The following NTN1 variants were observed in gnomAD, a reference collection of about 807,000 sequenced individuals.
NTN1 encodes netrin-1.
A neutral mutation model predicts 54.2 loss-of-function variants in NTN1; 11 were observed. That is an observed-to-expected ratio of 0.20 (90% CI 0.13 to 0.34). The LOEUF is 0.34. Among genes scored for constraint, NTN1 ranks in the 10% least tolerant of loss-of-function variants. The pLI is 1.00. For synonymous variants in NTN1, 371 were observed against 382.0 expected (o/e 0.97, Z 0.33); for missense variants, 740 against 893.1 (o/e 0.83, Z 2.18).
At chr17:9,014,916 T>G in the NTN1 span, among the ~76,000 whole-genome samples, 1 of 152,210 alleles carries the variant, frequency 6.6e-6, no homozygotes, top group Non-Finnish European at 1.5e-5. Flanking sequence ...ATTATTTTAG[T>G]TCACACACTG....
the NTN1 span, among the ~76,000 whole-genome samples, chr17:9,009,490 C>G: frequency 6.6e-6 from 1 of 152,204 alleles, no homozygotes; most frequent in African/African-American, 2.4e-5. Context: ...TCCTTCCCCA[C>G]CAAATCTTAG....
chr17:9,179,858 C>T lies in NTN1; in HGVS notation c.1259C>T (p.Thr420Ile). 6.2e-7 allele frequency: 1 copy of T among 1,614,114 alleles called. No individual in the cohort carries two copies. Among genetic ancestry groups the T allele is most frequent in the East Asian group, 2.2e-5 (1 of 44,884 alleles). ...GAAGKTCNQT[T>I]GQCPCKDGVT... ...GCTGGCAAAACCTGCAACCAAACCA[C>T]CGGCCAGTGTCCCTGCAAGGACGGC... The change falls in exon 4 of 7, where the codon ACC becomes ATC. Residue 420 changes from threonine to isoleucine, a missense_variant. Physicochemically the swap from Thr to Ile is moderately conservative, Grantham distance 89. Coordinates refer to ENST00000173229, the MANE Select transcript of NTN1 (RefSeq NM_004822.3).
intron 2 of NTN1, among the ~76,000 whole-genome samples, chr17:9,075,230 C>T (rs904993080): frequency 6.6e-6 from 1 of 152,172 alleles, no homozygotes; most frequent in Non-Finnish European, 1.5e-5. Context: ...CCTGTAATCC[C>T]AGCACTTTGG....
At position 9,221,076 on chromosome 17, in the gene NTN1, A is replaced by C; in HGVS notation, c.1412-92A>C. Reference sequence around the variant, plus strand: ...CCATGGGTATCACAGGCCTCTGGCTATTTAGGGAGGCGGCCTCCTACTCTG... The same window carrying C: ...CCATGGGTATCACAGGCCTCTGGCTCTTTAGGGAGGCGGCCTCCTACTCTG... On this transcript the variant is annotated intron_variant, in intron 5 of 6. Transcript: ENST00000173229. The surrounding 1 kb of genome is among the most constrained non-coding windows in gnomAD (Gnocchi z 4.5). The C allele has an allele frequency of 2.2e-6, 2 of 925,384 alleles. No individual in the cohort carries two copies. Among genetic ancestry groups the C allele is most frequent in the Non-Finnish European group, 3.6e-6 (2 of 556,456 alleles). The allele number at this position is 925,384 out of a possible 1,614,324, so 57.3% of individuals were successfully genotyped here. A position where few individuals can be genotyped will look rare whatever the true frequency, so the allele number is the denominator to read the frequency against.
chr17:9,148,764 C>T (rs368586072), intron 2 of NTN1, among the ~76,000 whole-genome samples: 43 of 151,976 alleles, frequency 2.8e-4, no homozygotes, highest in Admixed American at 1.0e-3. Flanking sequence ...TCCCTGTCCA[C>T]GAGCAGGAAT....
At chr17:9,042,369 C>T (rs1162208538) in intron 2 of NTN1, among the ~76,000 whole-genome samples, 1 of 151,712 alleles carries the variant, frequency 6.6e-6, no homozygotes, top group Non-Finnish European at 1.5e-5. Flanking sequence ...TCTCTAGTCT[C>T]AGTTCTCGAG....
intron 2 of NTN1, among the ~76,000 whole-genome samples, chr17:9,060,627 A>C (rs1174572077): frequency 6.6e-6 from 1 of 152,140 alleles, no homozygotes; most frequent in Non-Finnish European, 1.5e-5. Flanking sequence ...AGCAAACAGC[A>C]CGGGGACTCA....
intron 2 of NTN1, among the ~76,000 whole-genome samples, chr17:9,036,092 C>T (rs574726717): frequency 1.3e-5 from 2 of 152,238 alleles, no homozygotes; most frequent in South Asian, 4.1e-4. Flanking sequence ...AATTCTTGGG[C>T]TCAAGGGATC....
chr17:9,153,622 G>A lies in NTN1; in HGVS notation c.1019-9191G>A, dbSNP rs112091688. ...CTCAAGAGAAGGAAGAGGGGGCCAC[G>A]GTCTGTTGAGAGAGCAGAATGCAGC... On this transcript the variant is annotated intron_variant, in intron 2 of 6. Transcript: ENST00000173229. 8.1e-3 allele frequency among the ~76,000 whole-genome samples: 1,240 copies of A among 152,288 alleles called. 20 individuals are homozygous for A. The highest frequency in any genetic ancestry group is 0.028 in the African/African-American group (1,169 of 41,560).
At chr17:9,113,558 C>T (rs932657585) in intron 2 of NTN1, among the ~76,000 whole-genome samples, 2 of 151,980 alleles carry the variant, frequency 1.3e-5, no homozygotes, top group Non-Finnish European at 2.9e-5. Flanking sequence ...CAGCAAGCTC[C>T]GGGAGAACAT....
intron 2 of NTN1, among the ~76,000 whole-genome samples, chr17:9,125,125 A>C (rs990381117): frequency 2.6e-5 from 4 of 152,090 alleles, no homozygotes; most frequent in Non-Finnish European, 4.4e-5. Flanking sequence ...GCAGTGGCAC[A>C]ATCATGGCTC....
At chr17:9,183,435 C>G (rs1455438471) in intron 5 of NTN1, 5 of 408,008 alleles carry the variant, frequency 1.2e-5, no homozygotes, top group Non-Finnish European at 2.5e-5. Flanking sequence ...TCGCCTCTAA[C>G]TAAAAATTTA....
At chr17:9,091,749 G>A (rs980921283) in intron 2 of NTN1, among the ~76,000 whole-genome samples, 3 of 151,802 alleles carry the variant, frequency 2.0e-5, no homozygotes, top group African/African-American at 7.3e-5. Context: ...CACCGTGTCC[G>A]GCCCGTTTAG....
At chr17:9,076,768 T>C (rs997649246) in intron 2 of NTN1, among the ~76,000 whole-genome samples, 1 of 152,242 alleles carries the variant, frequency 6.6e-6, no homozygotes, top group East Asian at 1.9e-4. Context: ...CCACACACTT[T>C]GCATAATTAT....
intron 2 of NTN1, among the ~76,000 whole-genome samples, chr17:9,159,278 A>T (rs1050869493): frequency 5.3e-5 from 8 of 152,236 alleles, no homozygotes; most frequent in Non-Finnish European, 1.0e-4. Flanking sequence ...TACATGGGGA[A>T]ATGCCCAACC....
At chr17:9,216,524 C>T (rs557176719) in intron 5 of NTN1, among the ~76,000 whole-genome samples, 2 of 152,170 alleles carry the variant, frequency 1.3e-5, no homozygotes, top group African/African-American at 2.4e-5. Flanking sequence ...AAGTATTCAC[C>T]GTTTGGTCCT....
chr17:9,128,870 A>G (rs1433559128), intron 2 of NTN1, among the ~76,000 whole-genome samples: 1 of 152,154 alleles, frequency 6.6e-6, no homozygotes, highest in Non-Finnish European at 1.5e-5. Flanking sequence ...TGGTCCCTGG[A>G]GTGAAGCAAA....
chr17:9,238,714 C>G (rs1035522326), intron 6 of NTN1, among the ~76,000 whole-genome samples: 3 of 152,242 alleles, frequency 2.0e-5, no homozygotes, highest in Non-Finnish European at 4.4e-5. Flanking sequence ...CACAAACTTA[C>G]TAGAGCAAAG....
At position 9,212,740 on chromosome 17, in the gene NTN1, A is replaced by G. The variant is rs1597541113; in HGVS notation, c.1412-8428A>G. 6.6e-6 allele frequency among the ~76,000 whole-genome samples: 1 copy of G among 151,706 alleles called. No homozygotes were observed. Among genetic ancestry groups the G allele is most frequent in the South Asian group, 2.1e-4 (1 of 4,794 alleles). On this transcript the variant is annotated intron_variant, in intron 5 of 6. Transcript: ENST00000173229. The surrounding 1 kb of genome is among the most constrained non-coding windows in gnomAD (Gnocchi z 5.5). Reference sequence around the variant, plus strand: ...TGGCTGGGTGTCCCTCACTCATTACACCCCCTGCCCCACCTTCCCAAGCCC... The same window carrying G: ...TGGCTGGGTGTCCCTCACTCATTACGCCCCCTGCCCCACCTTCCCAAGCCC...
Sources: gnomAD v4.1 joint callset for allele counts (sites outside exome capture counted in the v4.1 genomes callset) on GRCh38, gnomAD v4.1.1 for gene constraint, Gnocchi (gnomAD v3.1) non-coding constraint, MANE v1.5 for transcripts, NCBI Gene and HGNC (gene_info 2026-07-23, HGNC 2026-07-21) for gene names.